Variants in FRMD4B observed in about 807,000 individuals in gnomAD.
FRMD4B encodes FERM domain-containing protein 4B.
FRMD4B carries 74 observed loss-of-function variants against 141.5 expected under a neutral mutation model. The ratio of observed to expected loss-of-function variants is 0.52; its 90% CI spans 0.43 to 0.63. The LOEUF (loss-of-function observed/expected upper bound fraction) is 0.63. FRMD4B is among the 30% of genes least tolerant of loss of function. FRMD4B has a pLI of 0.00. For missense variants in FRMD4B, 1,366 were observed against 1,253.4 expected (o/e 1.09, Z -1.36); for synonymous variants, 506 against 467.9 (o/e 1.08, Z -1.05).
intron 5 of FRMD4B, among the ~76,000 whole-genome samples, chr3:69,278,290 A>C (rs1411324526): frequency 6.6e-6 from 1 of 152,044 alleles, no homozygotes; most frequent in Non-Finnish European, 1.5e-5. Context: ...GGACTTCTTG[A>C]AGCCTTTATT....
intron 17 of FRMD4B, among the ~76,000 whole-genome samples, chr3:69,192,751 A>G (rs1283549666): frequency 2.0e-5 from 3 of 152,110 alleles, no homozygotes; most frequent in Non-Finnish European, 4.4e-5. Context: ...TAACAATTTT[A>G]TATCTGGCTT....
At chr3:69,444,034 C>G (rs1184787278) in intron 1 of FRMD4B, among the ~76,000 whole-genome samples, 1 of 152,188 alleles carries the variant, frequency 6.6e-6, no homozygotes, top group East Asian at 1.9e-4. Flanking sequence ...AGGGACTCAG[C>G]TGGACCTGTG....
intron 11 of FRMD4B, among the ~76,000 whole-genome samples, chr3:69,215,188 A>AT (rs1458723049): frequency 3.7e-4 from 56 of 149,408 alleles, no homozygotes; most frequent in African/African-American, 1.2e-3. Flanking sequence ...CTAATAATGA[A>AT]TTTTTTTAAA....
chr3:69,196,274 A>G lies in FRMD4B; in HGVS notation c.1215T>C (p.Asn405=), dbSNP rs775937431. ...TGTTACCTGAGGAGATTAAACTGCC[A>G]TTACTTGCCATGATGAACTGACTTT... ...ETKSQFIMAS[N]GSLISSGSQD... The change falls in exon 14 of 23, where the codon AAT becomes AAC. Residue 405 remains asparagine, a synonymous_variant. Coordinates refer to ENST00000398540, the MANE Select transcript of FRMD4B (RefSeq NM_015123.3). 1 of 1,605,202 alleles carries G rather than the reference A, an allele frequency of 6.2e-7. No individual in the cohort carries two copies. The highest frequency in any genetic ancestry group is 1.1e-5 in the South Asian group (1 of 89,038).
At chr3:69,401,592 C>T (rs569102508) in intron 2 of FRMD4B, among the ~76,000 whole-genome samples, 2 of 152,148 alleles carry the variant, frequency 1.3e-5, no homozygotes, top group South Asian at 2.1e-4. Flanking sequence ...CTCTGCCACC[C>T]GGGCTGAAGT....
At chr3:69,490,954 T>G (rs887320178) in intron 1 of FRMD4B, among the ~76,000 whole-genome samples, 2 of 152,142 alleles carry the variant, frequency 1.3e-5, no homozygotes, top group Admixed American at 6.6e-5. Flanking sequence ...AGCCAGAATT[T>G]CCTTAACAAC....
chr3:69,396,526 A>T (rs963963522), intron 2 of FRMD4B, among the ~76,000 whole-genome samples: 2 of 152,168 alleles, frequency 1.3e-5, no homozygotes, highest in Non-Finnish European at 2.9e-5. Context: ...AAAGAATTAT[A>T]GAAAACATAT....
At chr3:69,283,352 C>T (rs2093652726) in intron 5 of FRMD4B, among the ~76,000 whole-genome samples, 2 of 147,322 alleles carry the variant, frequency 1.4e-5, no homozygotes, top group African/African-American at 5.0e-5. Flanking sequence ...CCATTGCACT[C>T]CAGCCTGGGC....
At chr3:69,474,376 A>G (rs971890806) in intron 1 of FRMD4B, among the ~76,000 whole-genome samples, 6 of 152,176 alleles carry the variant, frequency 3.9e-5, no homozygotes, top group South Asian at 4.1e-4. Flanking sequence ...CAAAACTACC[A>G]TCTGATGACG....
chr3:69,541,949 C>T (rs1427533909), intron 1 of FRMD4B, among the ~76,000 whole-genome samples: 1 of 152,154 alleles, frequency 6.6e-6, no homozygotes, highest in Non-Finnish European at 1.5e-5. Context: ...TCGAAACCGC[C>T]AAACTTCCTG....
chr3:69,209,554 A>G lies in FRMD4B; in HGVS notation c.876+6709T>C, dbSNP rs531020576. Among the ~76,000 whole-genome samples, 45 of 152,266 alleles carry G rather than the reference A, an allele frequency of 3.0e-4. 1 individual carries two copies. Among genetic ancestry groups the G allele is most frequent in the South Asian group, 2.1e-3 (10 of 4,822 alleles). Reference sequence around the variant, plus strand: ...TAGCTGAAAAAAATGAAGGCCCAGAAAGTTGAGTGACAGCTCTGAGTCAGC... The same window carrying G: ...TAGCTGAAAAAAATGAAGGCCCAGAGAGTTGAGTGACAGCTCTGAGTCAGC... On this transcript the variant is annotated intron_variant, in intron 11 of 22. Transcript: ENST00000398540.
intron 2 of FRMD4B, among the ~76,000 whole-genome samples, chr3:69,420,367 G>A (rs1201896279): frequency 6.6e-6 from 1 of 151,430 alleles, no homozygotes; most frequent in Non-Finnish European, 1.5e-5. Flanking sequence ...AGGTGCCATG[G>A]TTTCTACCTT....
At chr3:69,196,670 T>C (rs2092908726) in intron 13 of FRMD4B, 1 of 582,776 alleles carries the variant, frequency 1.7e-6, no homozygotes, top group Middle Eastern at 4.6e-4. Context: ...GTGTCACCAG[T>C]ATATACAAAC....
chr3:69,213,422 G>A (rs1575615837), intron 11 of FRMD4B, among the ~76,000 whole-genome samples: 1 of 147,650 alleles, frequency 6.8e-6, no homozygotes, highest in African/African-American at 2.5e-5. Flanking sequence ...AAAAATATTT[G>A]AAAAAATTGG....
At chr3:69,426,851 G>A (rs926985236) in intron 2 of FRMD4B, among the ~76,000 whole-genome samples, 1 of 152,196 alleles carries the variant, frequency 6.6e-6, no homozygotes. Context: ...CTGAGAAACA[G>A]GAGGGAAAAA....
At chr3:69,404,850 G>T (rs11919150) in intron 2 of FRMD4B, among the ~76,000 whole-genome samples, 5,462 of 152,232 alleles carry the variant, frequency 0.036, 334 homozygotes, top group African/African-American at 0.12. Context: ...TTATACTCAG[G>T]TATGGTTACC....
chr3:69,391,637 G>A (rs1224672912), intron 2 of FRMD4B, among the ~76,000 whole-genome samples: 3 of 152,194 alleles, frequency 2.0e-5, no homozygotes, highest in Non-Finnish European at 2.9e-5. Flanking sequence ...GTGGAATGCT[G>A]ATGCCTCCTT....
chr3:69,346,887 G>T (rs1342885316), intron 1 of FRMD4B, among the ~76,000 whole-genome samples: 1 of 152,150 alleles, frequency 6.6e-6, no homozygotes, highest in Non-Finnish European at 1.5e-5. Context: ...AAGCCAAATT[G>T]TAAAGACCAT....
In FRMD4B at chr3:69,397,996, G is replaced by T. The variant is rs532132540; in HGVS notation, c.-1+34638C>A. ...TGTGTAATACTTATATCTTCAGAAA[G>T]AAGGTGTTCAAATTTCTCTTGATTT... On this transcript the variant is annotated intron_variant, in intron 2 of 5. Coordinates refer to the FRMD4B transcript ENST00000459638. Among the ~76,000 whole-genome samples the T allele has an allele frequency of 5.3e-5, 8 of 152,252 alleles. No individual in the cohort carries two copies. The East Asian group carries it at 7.7e-4, about 15-fold the overall frequency.
Sources: allele counts gnomAD v4.1 joint callset (sites outside exome capture counted in the v4.1 genomes callset), GRCh38; gene constraint gnomAD v4.1.1; transcripts MANE v1.5; gene names NCBI Gene and HGNC (gene_info 2026-07-23, HGNC 2026-07-21).